KCND2: variants seen among roughly 807,000 people sequenced by gnomAD.
KCND2 encodes the protein potassium voltage-gated channel subfamily D member 2, also known as A-type voltage-gated potassium channel KCND2.
Under a neutral mutation model 54.4 loss-of-function variants are expected in KCND2, and 16 were observed. The ratio of observed to expected loss-of-function variants is 0.29; its 90% CI spans 0.20 to 0.45. The LOEUF (loss-of-function observed/expected upper bound fraction) is 0.45. KCND2 is among the 20% of genes least tolerant of loss of function. KCND2 has a pLI of 1.00. For synonymous variants in KCND2, 317 were observed against 310.7 expected, an observed-to-expected ratio of 1.02 and a Z score of -0.21; for missense variants, 486 against 824.2, an observed-to-expected ratio of 0.59 and a Z score of 5.02.
chr7:120,588,812 T>A (rs1300639307), intron 1 of KCND2, among the ~76,000 whole-genome samples: 2 of 152,208 alleles, frequency 1.3e-5, no homozygotes, highest in Non-Finnish European at 2.9e-5. Flanking sequence ...TGTATATTTT[T>A]AAATTTTCCT....
At chr7:120,654,384 A>C (rs548112220) in intron 1 of KCND2, among the ~76,000 whole-genome samples, 3 of 152,334 alleles carry the variant, frequency 2.0e-5, no homozygotes, top group African/African-American at 7.2e-5. Flanking sequence ...CTAGCATGTT[A>C]ATTGTTGCAA....
intron 1 of KCND2, among the ~76,000 whole-genome samples, chr7:120,561,416 T>C (rs1005076023): frequency 2.6e-5 from 4 of 152,126 alleles, no homozygotes. Context: ...GGCACTGATC[T>C]AAGTCTTTAT....
At chr7:120,560,926 C>G (rs1476092296) in intron 1 of KCND2, among the ~76,000 whole-genome samples, 1 of 152,126 alleles carries the variant, frequency 6.6e-6, no homozygotes, top group East Asian at 1.9e-4. Flanking sequence ...AAAATTTGAC[C>G]AAGGTACCAA....
intron 1 of KCND2, among the ~76,000 whole-genome samples, chr7:120,329,412 A>C (rs917980999): frequency 6.6e-6 from 1 of 151,668 alleles, no homozygotes; most frequent in Non-Finnish European, 1.5e-5. Context: ...TTTTATACCC[A>C]CTCATACCTT....
chr7:120,400,168 G>A (rs925561196), intron 1 of KCND2, among the ~76,000 whole-genome samples: 1 of 152,050 alleles, frequency 6.6e-6, no homozygotes, highest in Non-Finnish European at 1.5e-5. Context: ...CTATTAACAT[G>A]ACTCTTTTGT....
intron 1 of KCND2, among the ~76,000 whole-genome samples, chr7:120,344,401 A>G (rs150617836): frequency 1.3e-5 from 2 of 152,324 alleles, no homozygotes; most frequent in East Asian, 3.9e-4. Context: ...AAGAAAAACA[A>G]CTAAAGAGAA....
At chr7:120,663,935 T>C (rs1791895274) in intron 1 of KCND2, among the ~76,000 whole-genome samples, 1 of 152,190 alleles carries the variant, frequency 6.6e-6, no homozygotes, top group South Asian at 2.1e-4. Flanking sequence ...CAATTATAGT[T>C]CCAGGATATT....
intron 1 of KCND2, among the ~76,000 whole-genome samples, chr7:120,473,747 C>T (rs1369586192): frequency 6.6e-6 from 1 of 152,020 alleles, no homozygotes. Flanking sequence ...TGAAAATAAT[C>T]GTGACAGTGT....
intron 1 of KCND2, among the ~76,000 whole-genome samples, chr7:120,400,032 T>G (rs749732926): frequency 5.3e-5 from 8 of 152,126 alleles, no homozygotes; most frequent in Non-Finnish European, 8.8e-5. Flanking sequence ...GGCCTCTAAC[T>G]AATTTTATAA....
chr7:120,349,507 A>AT (rs552475802), intron 1 of KCND2, among the ~76,000 whole-genome samples: 88 of 152,274 alleles, frequency 5.8e-4, no homozygotes, highest in Middle Eastern at 3.4e-3. Flanking sequence ...CCTTGCATGG[A>AT]TTTTCATTGC....
intron 1 of KCND2, among the ~76,000 whole-genome samples, chr7:120,417,761 C>A (rs974260183): frequency 6.6e-6 from 1 of 152,122 alleles, no homozygotes; most frequent in East Asian, 1.9e-4. Flanking sequence ...AGAGTGGAAA[C>A]GCACCATTTT....
chr7:120,467,247 T>C (rs1802384072), intron 1 of KCND2, among the ~76,000 whole-genome samples: 1 of 152,148 alleles, frequency 6.6e-6, no homozygotes, highest in Non-Finnish European at 1.5e-5. Flanking sequence ...GAGTTAGACT[T>C]GGACGACATT....
In KCND2 at chr7:120,273,733, A is replaced by C. The variant is rs1017706523; in HGVS notation, c.-900A>C. The C allele has an allele frequency of 6.6e-6, 1 of 152,566 alleles. No homozygotes were observed. Among genetic ancestry groups the C allele is most frequent in the African/African-American group, 2.4e-5 (1 of 41,438 alleles). 9.5% of individuals were successfully genotyped at this position (152,566 alleles called of 1,614,324 possible). A position where few individuals can be genotyped will look rare whatever the true frequency, so the allele number is the denominator to read the frequency against. On this transcript the variant is annotated 5_prime_UTR_variant, in exon 1 of 6. It removes an upstream start codon present in the reference 5' UTR. Transcript: ENST00000331113. The stretch of plus-strand genomic sequence containing the variant: ...GGTGCACGGCGAGGAGAAAGTCTCT[A>C]TGCAACTAAGCCCCGGCGCGCACTT...
Position 120,274,876 on chromosome 7 carries a change from C to A in KCND2, c.244C>A (p.Gln82Lys), listed in dbSNP as rs1306598422. The A allele has an allele frequency of 6.2e-7, 1 of 1,614,066 alleles. No individual in the cohort carries two copies. Among genetic ancestry groups the A allele is most frequent in the Non-Finnish European group, 8.5e-7 (1 of 1,180,036 alleles). Reference sequence around the variant, plus strand: ...CTTTTTCTACCACCCAGAAACTCAGCAGTATTTCTTTGACCGTGACCCAGA... The same window carrying A: ...CTTTTTCTACCACCCAGAAACTCAGAAGTATTTCTTTGACCGTGACCCAGA... The part of the protein sequence containing the change: ...RDFFYHPETQ[Q>K]YFFDRDPDIF... Residue 82 changes from glutamine to lysine, a missense_variant, in exon 1 of 6, where the codon CAG (glutamine) becomes AAG (lysine). Coordinates refer to ENST00000331113, the MANE Select transcript of KCND2 (RefSeq NM_012281.3).
chr7:120,318,253 C>G (rs1271627618), intron 1 of KCND2, among the ~76,000 whole-genome samples: 1 of 151,996 alleles, frequency 6.6e-6, no homozygotes, highest in Non-Finnish European at 1.5e-5. Context: ...GGGTTGACTA[C>G]AAATAGTAAA....
intron 1 of KCND2, among the ~76,000 whole-genome samples, chr7:120,372,473 C>T (rs1800778389): frequency 1.4e-4 from 1 of 7,170 alleles, no homozygotes; most frequent in African/African-American, 1.5e-4. Context: ...ATTTTATTTA[C>T]TCTGCAAATA....
At chr7:120,513,648 A>C (rs1192479798) in intron 1 of KCND2, among the ~76,000 whole-genome samples, 1 of 152,104 alleles carries the variant, frequency 6.6e-6, no homozygotes, top group African/African-American at 2.4e-5. Flanking sequence ...TATTTTAAAT[A>C]GTTACAATAG....
At chr7:120,533,646 C>T (rs1791868726) in intron 1 of KCND2, among the ~76,000 whole-genome samples, 1 of 152,002 alleles carries the variant, frequency 6.6e-6, no homozygotes, top group Non-Finnish European at 1.5e-5. Context: ...GGTTTTATGG[C>T]AAAGTACTGC....
At chr7:120,361,646 G>T (rs935320852) in intron 1 of KCND2, among the ~76,000 whole-genome samples, 1 of 151,992 alleles carries the variant, frequency 6.6e-6, no homozygotes, top group African/African-American at 2.4e-5. Flanking sequence ...AAAGGAGAAG[G>T]CCATGATAGA....
Sources: gnomAD v4.1 joint callset for allele counts (sites outside exome capture counted in the v4.1 genomes callset) on GRCh38, gnomAD v4.1.1 for gene constraint, MANE v1.5 for transcripts, NCBI Gene and HGNC (gene_info 2026-07-23, HGNC 2026-07-21) for gene names.